Variants in NWD1 observed in about 807,000 individuals in gnomAD.
NWD1 encodes NACHT and WD repeat domain containing 1.
A neutral mutation model predicts 135.1 loss-of-function variants in NWD1; 129 were observed. That is an observed-to-expected ratio of 0.96 (90% confidence interval 0.83 to 1.11). The LOEUF (loss-of-function observed/expected upper bound fraction) is 1.11, where lower values mean the gene tolerates loss of function less well. Ranked by LOEUF, NWD1 falls within the 50% of genes least tolerant of loss-of-function variation. NWD1 has a pLI of 0.00. For synonymous variants in NWD1, 773 were observed against 786.0 expected, an observed-to-expected ratio of 0.98 and a Z score of 0.28; for missense variants, 1,740 against 1,851.3, an observed-to-expected ratio of 0.94 and a Z score of 1.10.
intron 2 of NWD1, among the ~76,000 whole-genome samples, chr19:16,729,100 C>A (rs1339443947): frequency 6.6e-6 from 1 of 152,056 alleles, no homozygotes; most frequent in Non-Finnish European, 1.5e-5. Context: ...TGGGAGCCTC[C>A]TGGACCCTCT....
At chr19:16,758,217 C>T (rs372133402) in intron 6 of NWD1, among the ~76,000 whole-genome samples, 4 of 152,216 alleles carry the variant, frequency 2.6e-5, no homozygotes, top group East Asian at 1.9e-4. Flanking sequence ...CAAGAAACCG[C>T]ATTTTGAATT....
chr19:16,721,772 A>G (rs986985851), intron 1 of NWD1, among the ~76,000 whole-genome samples: 2 of 152,144 alleles, frequency 1.3e-5, no homozygotes, highest in Non-Finnish European at 2.9e-5. Flanking sequence ...CATCTGTTGA[A>G]TGGTGACGCT....
intron 2 of NWD1, among the ~76,000 whole-genome samples, chr19:16,725,835 G>A (rs894073807): frequency 1.3e-5 from 2 of 151,598 alleles, no homozygotes; most frequent in African/African-American, 4.8e-5. Flanking sequence ...TTACAGGCAC[G>A]TGATTGTAGC....
intron 18 of NWD1, among the ~76,000 whole-genome samples, chr19:16,814,547 A>T (rs1339352770): frequency 1.3e-5 from 2 of 152,254 alleles, no homozygotes; most frequent in Non-Finnish European, 2.9e-5. Flanking sequence ...GGAGCCTACT[A>T]CATTGTAGTT....
intron 6 of NWD1, among the ~76,000 whole-genome samples, chr19:16,758,454 T>C (rs1211363803): frequency 6.6e-6 from 1 of 152,090 alleles, no homozygotes; most frequent in African/African-American, 2.4e-5. Context: ...TTTTTAAATT[T>C]TTTTGTAGAG....
At chr19:16,739,400 T>G (rs1400276904) in intron 4 of NWD1, among the ~76,000 whole-genome samples, 2 of 149,042 alleles carry the variant, frequency 1.3e-5, no homozygotes, top group African/African-American at 4.9e-5. Flanking sequence ...GACAAAGAAC[T>G]CCAGGAGGAA....
intron 7 of NWD1, 29 bp downstream of exon 7, chr19:16,759,457 C>T (rs1400253703): frequency 6.6e-7 from 1 of 1,510,378 alleles, no homozygotes; most frequent in Non-Finnish European, 8.9e-7. Flanking sequence ...GGCAGCGACA[C>T]TGTCTGGGTG....
At chr19:16,762,998 G>C (rs556622816) in intron 8 of NWD1, among the ~76,000 whole-genome samples, 35 of 152,150 alleles carry the variant, frequency 2.3e-4, no homozygotes, top group Admixed American at 8.5e-4. Flanking sequence ...TGGCCAGGCT[G>C]GTCTCGAACT....
Position 16,800,032 on chromosome 19 carries a change from T to C in NWD1, c.3606T>C (p.Ala1202=). ...SSFKVWDLSD[A]HRSRVPAPFL... is the part of the protein sequence containing the mutation. ...TCAAGGTCTGGGATCTCAGCGATGCTCATAGGTCCCGGGTGCCTGCACCAT... is the reference window on the plus strand; with the variant it reads ...TCAAGGTCTGGGATCTCAGCGATGCCCATAGGTCCCGGGTGCCTGCACCAT... Residue 1202 remains alanine (A), a synonymous_variant, in exon 17 of 19, where the codon GCT becomes GCC. Coordinates refer to ENST00000524140, the MANE Select transcript of NWD1 (RefSeq NM_001007525.5). 1.2e-6 allele frequency: 2 copies of C among 1,614,220 alleles called. No individual in the cohort carries two copies. The highest frequency in any genetic ancestry group is 1.7e-6 in the Non-Finnish European group (2 of 1,180,034).
At chr19:16,786,239 C>T (rs570674091) in intron 12 of NWD1, among the ~76,000 whole-genome samples, 2 of 151,964 alleles carry the variant, frequency 1.3e-5, no homozygotes, top group South Asian at 2.1e-4. Flanking sequence ...GACTCCTGGG[C>T]TCAAGTGACC....
intron 3 of NWD1, among the ~76,000 whole-genome samples, chr19:16,736,193 T>TTTCCTTCTTTCCTTCCTTCCTTCC (rs1383779778): frequency 1.6e-4 from 5 of 32,066 alleles, no homozygotes; most frequent in African/African-American, 3.2e-4. Context: ...TCTTTCCTTC[T>TTTCCTTCTTTCCTTCCTTCCTTCC]TTCCTTCCTT....
At chr19:16,737,971 A>AAAAG (rs1967896104) in intron 4 of NWD1, among the ~76,000 whole-genome samples, 1 of 147,928 alleles carries the variant, frequency 6.8e-6, no homozygotes, top group Non-Finnish European at 1.5e-5. Flanking sequence ...TCTCGAAAAG[A>AAAAG]AAAGAAAAGA....
At position 16,769,969 on chromosome 19, in the gene NWD1, C is replaced by G. The variant is rs142567637; in HGVS notation, c.2411-3157C>G. Among the ~76,000 whole-genome samples the G allele has an allele frequency of 8.3e-3, 1,264 of 152,292 alleles. 16 individuals are homozygous for G. Among genetic ancestry groups the G allele is most frequent in the African/African-American group, 0.029 (1,204 of 41,556 alleles). On this transcript the variant is annotated intron_variant, in intron 10 of 18. Coordinates refer to ENST00000524140, the MANE Select transcript of NWD1 (RefSeq NM_001007525.5). The stretch of plus-strand genomic sequence containing the variant: ...CCTCTCACCTCAGCCTCCCAAGTAG[C>G]TGGGACCACAGGTGCACACCACCAC...
At chr19:16,793,295 A>G (rs556152618) in intron 14 of NWD1, among the ~76,000 whole-genome samples, 4 of 152,024 alleles carry the variant, frequency 2.6e-5, no homozygotes, top group Non-Finnish European at 5.9e-5. Context: ...GTGCAGTGGC[A>G]CGATCATGGC....
At chr19:16,774,938 CT>C (rs1969547484) in intron 11 of NWD1, among the ~76,000 whole-genome samples, 1 of 152,118 alleles carries the variant, frequency 6.6e-6, no homozygotes, top group African/African-American at 2.4e-5. Context: ...ATCTACCCAT[CT>C]ACCTGCCCAT....
chr19:16,733,638 C>T (rs944313554), intron 3 of NWD1, among the ~76,000 whole-genome samples: 1 of 151,946 alleles, frequency 6.6e-6, no homozygotes, highest in Non-Finnish European at 1.5e-5. Flanking sequence ...CTGGAAATTC[C>T]ACTCTGCCCA....
intron 18 of NWD1, among the ~76,000 whole-genome samples, chr19:16,809,017 C>A (rs1970839954): frequency 6.6e-6 from 1 of 152,142 alleles, no homozygotes; most frequent in Admixed American, 6.6e-5. Context: ...CCGGATGCCA[C>A]TGCTCTCTAG....
chr19:16,722,453 C>A (rs1179210658), intron 1 of NWD1, among the ~76,000 whole-genome samples: 1 of 151,914 alleles, frequency 6.6e-6, no homozygotes, highest in African/African-American at 2.4e-5. Context: ...TCACGCCCAG[C>A]TAATTTTGTA....
At chr19:16,806,377 C>T (rs1217898491) in intron 17 of NWD1, among the ~76,000 whole-genome samples, 2 of 152,138 alleles carry the variant, frequency 1.3e-5, no homozygotes, top group Non-Finnish European at 2.9e-5. Context: ...CCTGAAATGG[C>T]CCCAGTCAAT....
Sources: gnomAD v4.1 joint callset for allele counts (sites outside exome capture counted in the v4.1 genomes callset) on GRCh38, gnomAD v4.1.1 for gene constraint, MANE v1.5 for transcripts, NCBI Gene and HGNC (gene_info 2026-07-23, HGNC 2026-07-21) for gene names.